Variants in PHTF2 observed in about 807,000 individuals in gnomAD.
The protein encoded by PHTF2 is protein PHTF2.
PHTF2 carries 60 observed loss-of-function variants against 101.2 expected under a neutral mutation model. The ratio of observed to expected loss-of-function variants is 0.59; its 90% CI spans 0.48 to 0.73. PHTF2 has a LOEUF of 0.73. Ranked by LOEUF, PHTF2 falls within the 30% of genes least tolerant of loss-of-function variation. PHTF2 has a pLI of 0.00. For synonymous variants in PHTF2, 311 were observed against 307.3 expected, an observed-to-expected ratio of 1.01 and a Z score of -0.13; for missense variants, 747 against 908.7, an observed-to-expected ratio of 0.82 and a Z score of 2.29.
rs147231642 is a variant in PHTF2, at chr7:77,883,508, C to A, written c.148-10100C>A. On this transcript the variant is annotated intron_variant, in intron 3 of 19. Transcript: ENST00000416283. ...GCCCTCTCGGTTTTCTCTTTTTTACCAAATTTATAGGTAGATAATTATGGC... is the reference window on the plus strand; with the variant it reads ...GCCCTCTCGGTTTTCTCTTTTTTACAAAATTTATAGGTAGATAATTATGGC... Among the ~76,000 whole-genome samples the A allele has an allele frequency of 6.8e-3, 1,034 of 151,916 alleles. 4 individuals are homozygous for A. Among genetic ancestry groups the A allele is most frequent in the Admixed American group, 0.014 (213 of 15,240 alleles).
intron 1 of PHTF2, among the ~76,000 whole-genome samples, chr7:77,822,424 G>A (rs1007405051): frequency 2.0e-5 from 3 of 152,122 alleles, no homozygotes; most frequent in African/African-American, 7.2e-5. Context: ...CCATGCTGCA[G>A]CAGCTTTTCT....
chr7:77,906,062 AC>A (rs1801827855), intron 7 of PHTF2, among the ~76,000 whole-genome samples: 1 of 152,030 alleles, frequency 6.6e-6, no homozygotes, highest in Non-Finnish European at 1.5e-5. Context: ...ATCTCGGTTC[AC>A]TGCAACCTCC....
At chr7:77,871,822 A>AAAGTGAGTGCCTTGGTCAAAGGCAATGCT (rs1380863429) in intron 3 of PHTF2, among the ~76,000 whole-genome samples, 1 of 152,218 alleles carries the variant, frequency 6.6e-6, no homozygotes, top group East Asian at 1.9e-4. Flanking sequence ...CTGTAGCTGT[A>AAAGTGAGTGCCTTGGTCAAAGGCAATGCT]AAGTGAGTGC....
intron 5 of PHTF2, among the ~76,000 whole-genome samples, chr7:77,896,879 G>A (rs1000838489): frequency 2.6e-5 from 4 of 152,142 alleles, no homozygotes; most frequent in Non-Finnish European, 5.9e-5. Context: ...GCAGCTACTA[G>A]AGAAATCAAA....
At chr7:77,799,765 A>G (rs776278598) in intron 1 of PHTF2, among the ~76,000 whole-genome samples, 1 of 152,222 alleles carries the variant, frequency 6.6e-6, no homozygotes, top group Non-Finnish European at 1.5e-5. Flanking sequence ...GGCGAAAACA[A>G]GGAACTGCCT....
chr7:77,878,978 G>A (rs766874001), intron 3 of PHTF2, among the ~76,000 whole-genome samples: 1 of 152,124 alleles, frequency 6.6e-6, no homozygotes, highest in Non-Finnish European at 1.5e-5. Flanking sequence ...TGGCCGAATG[G>A]CCTTTTTTCA....
chr7:77,844,799 A>G (rs1796148197), intron 2 of PHTF2, among the ~76,000 whole-genome samples: 1 of 152,264 alleles, frequency 6.6e-6, no homozygotes, highest in African/African-American at 2.4e-5. Context: ...TGCTGGGATT[A>G]CAGGCATGAG....
At chr7:77,826,810 A>G (rs1163553138) in intron 1 of PHTF2, among the ~76,000 whole-genome samples, 2 of 152,352 alleles carry the variant, frequency 1.3e-5, no homozygotes, top group East Asian at 1.9e-4. Flanking sequence ...AATACACAGG[A>G]AGCAAGCAGA....
chr7:77,845,079 T>G (rs1796172919), intron 2 of PHTF2, among the ~76,000 whole-genome samples: 1 of 152,186 alleles, frequency 6.6e-6, no homozygotes, highest in Non-Finnish European at 1.5e-5. Context: ...ATACTCTGCT[T>G]TCATATATCT....
chr7:77,949,697 T>A, exon 17 of PHTF2: 1 of 1,574,384 alleles, frequency 6.4e-7, no homozygotes, highest in Non-Finnish European at 8.7e-7. Context: ...GTACACGAGA[T>A]CTTCCTTGAT....
intron 3 of PHTF2, among the ~76,000 whole-genome samples, chr7:77,887,046 TA>T (rs60779765): frequency 0.38 from 52,715 of 139,718 alleles, 9,502 homozygotes; most frequent in South Asian, 0.49. Context: ...ACCCTGTCTT[TA>T]AAAAAAAAAA....
chr7:77,903,481 C>A (rs186792115), intron 7 of PHTF2, among the ~76,000 whole-genome samples: 2 of 152,138 alleles, frequency 1.3e-5, no homozygotes, highest in African/African-American at 4.8e-5. Flanking sequence ...TAGTATTCCA[C>A]GACAAACAAG....
intron 1 of PHTF2, among the ~76,000 whole-genome samples, chr7:77,826,062 C>T (rs1005748928): frequency 1.3e-5 from 2 of 152,030 alleles, no homozygotes; most frequent in African/African-American, 4.8e-5. Context: ...TGACCATATC[C>T]TAGTAGTTTT....
At chr7:77,951,783 T>C in intron 18 of PHTF2, 71 bp downstream of exon 17, 1 of 676,526 alleles carries the variant, frequency 1.5e-6, no homozygotes, top group East Asian at 3.2e-5. Context: ...TTTTTGTTTA[T>C]AGATATTACT....
chr7:77,944,996 C>T (rs1257214900), intron 16 of PHTF2, among the ~76,000 whole-genome samples: 5 of 152,118 alleles, frequency 3.3e-5, no homozygotes. Flanking sequence ...ACAGAAAATG[C>T]AAAATGGATA....
At chr7:77,910,609 A>G (rs1330241762) in intron 9 of PHTF2, among the ~76,000 whole-genome samples, 200 bp downstream of exon 8, 2 of 152,220 alleles carry the variant, frequency 1.3e-5, no homozygotes, top group African/African-American at 2.4e-5. Context: ...ATACATCTAT[A>G]CGAGAATGAA....
chr7:77,906,804 A>G (rs1801900467), intron 7 of PHTF2, among the ~76,000 whole-genome samples: 1 of 152,150 alleles, frequency 6.6e-6, no homozygotes, highest in African/African-American at 2.4e-5. Flanking sequence ...GCCACTCGGG[A>G]GCCTGAGGCA....
At chr7:77,953,974 T>A in intron 19 of PHTF2, 80 bp downstream of exon 18, 2 of 1,116,812 alleles carry the variant, frequency 1.8e-6, no homozygotes, top group Non-Finnish European at 2.6e-6. Context: ...ACATGCACAG[T>A]AATGCGGTCA....
intron 3 of PHTF2, among the ~76,000 whole-genome samples, chr7:77,857,133 G>A (rs1004898099): frequency 6.6e-6 from 1 of 152,186 alleles, no homozygotes; most frequent in Non-Finnish European, 1.5e-5. Flanking sequence ...GTCCAGGTAT[G>A]CGCAGTGACC....
Sources: allele counts gnomAD v4.1 joint callset (sites outside exome capture counted in the v4.1 genomes callset), GRCh38; gene constraint gnomAD v4.1.1; transcripts MANE v1.5; gene names NCBI Gene and HGNC (gene_info 2026-07-23, HGNC 2026-07-21).